CTNND1: variants seen among roughly 807,000 people sequenced by gnomAD.
CTNND1 encodes catenin delta 1, also known as catenin delta-1.
Under a neutral mutation model 112.1 loss-of-function variants are expected in CTNND1, and 16 were observed. The observed-to-expected ratio is 0.14, with a 90% CI of 0.10 to 0.22. CTNND1 has a LOEUF of 0.22. CTNND1 is among the 10% of genes least tolerant of loss of function. The pLI is 1.00. For missense variants in CTNND1, 1,008 were observed against 1,257.0 expected, an observed-to-expected ratio of 0.80 and a Z score of 3.00; for synonymous variants, 420 against 446.5, an observed-to-expected ratio of 0.94 and a Z score of 0.75.
chr11:57,771,624 TG>T (rs1274391715), intron 1 of CTNND1, among the ~76,000 whole-genome samples: 1 of 152,168 alleles, frequency 6.6e-6, no homozygotes, highest in African/African-American at 2.4e-5. Context: ...GAATGTATTT[TG>T]GGGGAAGGGG....
intron 9 of CTNND1, 105 bp from the exon 10 acceptor site, chr11:57,805,777 G>A (rs1308486310): frequency 1.6e-6 from 2 of 1,276,954 alleles, no homozygotes; most frequent in African/African-American, 3.0e-5. Context: ...ATTGGGTTAT[G>A]CATTTGAAGA....
At chr11:57,772,774 C>T (rs568018764) in intron 1 of CTNND1, among the ~76,000 whole-genome samples, 1 of 152,288 alleles carries the variant, frequency 6.6e-6, no homozygotes, top group South Asian at 2.1e-4. Context: ...GTCTGTCCCT[C>T]AGTGAGAGTC....
chr11:57,767,886 T>G (rs1303954292), intron 1 of CTNND1, among the ~76,000 whole-genome samples: 5 of 148,714 alleles, frequency 3.4e-5, no homozygotes, highest in African/African-American at 9.9e-5. Context: ...CAGGCTAGAG[T>G]GTAGTAGTGC....
At chr11:57,770,609 C>T (rs574355726) in intron 1 of CTNND1, among the ~76,000 whole-genome samples, 3 of 151,368 alleles carry the variant, frequency 2.0e-5, no homozygotes, top group African/African-American at 7.3e-5. Context: ...GCCGAAATCG[C>T]GCCACTGCAC....
At chr11:57,803,353 G>T (rs2062248720) in intron 7 of CTNND1, among the ~76,000 whole-genome samples, 1 of 152,206 alleles carries the variant, frequency 6.6e-6, no homozygotes, top group Non-Finnish European at 1.5e-5. Flanking sequence ...CTCCCAAATT[G>T]CTGGGATTAC....
chr11:57,783,258 C>T (rs1296819372), intron 1 of CTNND1, among the ~76,000 whole-genome samples: 1 of 151,400 alleles, frequency 6.6e-6, no homozygotes, highest in Non-Finnish European at 1.5e-5. Context: ...TGCATCTGGG[C>T]GACAGAGCAA....
intron 15 of CTNND1, 23 bp downstream of exon 15, chr11:57,809,489 C>T (rs2063076977): frequency 1.9e-6 from 3 of 1,584,354 alleles, no homozygotes; most frequent in African/African-American, 1.3e-5. Context: ...CCTAAAATTA[C>T]AGTCAAAAGA....
At chr11:57,812,627 G>A (rs2063500955) in intron 17 of CTNND1, among the ~76,000 whole-genome samples, 1 of 152,148 alleles carries the variant, frequency 6.6e-6, no homozygotes, top group Admixed American at 6.5e-5. Flanking sequence ...GTTGTCTTAA[G>A]GAAATGTACT....
chr11:57,795,158 C>T lies in CTNND1; in HGVS notation c.268-419C>T, dbSNP rs529915740. Among the ~76,000 whole-genome samples, 10 of 152,314 alleles carry T rather than the reference C, an allele frequency of 6.6e-5. 2 individuals are homozygous for T. In the East Asian group the frequency reaches 1.7e-3, roughly 26 times the overall value. On this transcript the variant is annotated intron_variant, in intron 4 of 20. Transcript: ENST00000399050. Reference sequence around the variant, plus strand: ...CCAGTGAGCTATGATCATGCCACTGCACTCTAGCTTGGGTGATAGAGTGAG... The same window carrying T: ...CCAGTGAGCTATGATCATGCCACTGTACTCTAGCTTGGGTGATAGAGTGAG...
At chr11:57,790,009 C>T (rs1365638325) in intron 2 of CTNND1, among the ~76,000 whole-genome samples, 1 of 152,074 alleles carries the variant, frequency 6.6e-6, no homozygotes, top group African/African-American at 2.4e-5. Context: ...TCAAGGAACA[C>T]GTTTTGCCAT....
rs1236585108 is a variant in CTNND1 at position 57,802,095 on chromosome 11, A to G, written c.1319A>G (p.Asp440Gly). Residue 440 changes from aspartate to glycine, a missense_variant, in exon 7 of 21, where the codon GAC becomes GGC. Around this residue, in one of 5 missense-constraint regions of CTNND1, gnomAD observed 216 missense variants for 342.8 expected, o/e 0.63. Transcript: ENST00000399050. ...GALKNISFGR[D>G]QDNKIAIKNC... Reference sequence around the variant, plus strand: ...CTCAAGAATATCTCTTTTGGACGTGACCAGGATAACAAGATTGCCATAAAA... The same window carrying G: ...CTCAAGAATATCTCTTTTGGACGTGGCCAGGATAACAAGATTGCCATAAAA... 1.9e-6 allele frequency: 3 copies of G among 1,613,916 alleles called. No homozygotes were observed. The highest frequency in any genetic ancestry group is 2.5e-6 in the Non-Finnish European group (3 of 1,179,914).
chr11:57,762,018 G>C lies in CTNND1; in HGVS notation c.-315G>C. 1.0e-6 allele frequency: 1 copy of C among 985,430 alleles called. No individual in the cohort carries two copies. Among genetic ancestry groups the C allele is most frequent in the Non-Finnish European group, 1.2e-6 (1 of 829,932 alleles). 61.0% of individuals were successfully genotyped at this position (985,430 alleles called of 1,614,324 possible). ...CGAAGCCTTGGGTTTCTTTCTTAAA[G>C]GACTGATTTTTAGAACTCCACATTT... On this transcript the variant is annotated 5_prime_UTR_variant, in exon 1 of 21. Transcript: ENST00000399050.
At chr11:57,768,384 TCC>T (rs1455849544) in intron 1 of CTNND1, among the ~76,000 whole-genome samples, 3 of 126,322 alleles carry the variant, frequency 2.4e-5, no homozygotes, top group Non-Finnish European at 3.2e-5. Flanking sequence ...GTGGACATCA[TCC>T]TTTTTTTTTT....
chr11:57,795,864 C>A, intron 5 of CTNND1, 135 bp downstream of exon 5: 2 of 980,756 alleles, frequency 2.0e-6, no homozygotes, highest in Non-Finnish European at 2.9e-6. Context: ...TGATCTCTGG[C>A]CAGATAGAAA....
At chr11:57,815,880 C>T in intron 19 of CTNND1, 35 bp from the exon 20 acceptor site, 1 of 1,563,286 alleles carries the variant, frequency 6.4e-7, no homozygotes, top group Non-Finnish European at 8.7e-7. Flanking sequence ...AGGTTCCTGT[C>T]TCTACTCATA....
Position 57,796,560 on chromosome 11 carries a change from T to C in CTNND1, c.524T>C (p.Ile175Thr). Reference protein sequence around the residue: ...VDASSVSNNYIQTLGRDFRKN... With the variant: ...VDASSVSNNYTQTLGRDFRKN... ...GCTTCATCAGTTTCTAACAACTATA[T>C]CCAGACTTTGGGTCGTGATTTCCGC... Residue 175 changes from isoleucine to threonine, a missense_variant, in exon 6 of 21, where the codon ATC (isoleucine) becomes ACC (threonine). Ile to Thr is a moderately conservative substitution (Grantham distance 89, BLOSUM62 -1). Around this residue, in one of 5 missense-constraint regions of CTNND1, gnomAD observed 404 missense variants for 457.9 expected, o/e 0.88. Coordinates refer to ENST00000399050, the MANE Select transcript of CTNND1 (RefSeq NM_001085458.2). The C allele has an allele frequency of 6.2e-7, 1 of 1,613,980 alleles. No individual in the cohort carries two copies.
intron 1 of CTNND1, among the ~76,000 whole-genome samples, chr11:57,779,519 C>G (rs148387156): frequency 6.6e-6 from 1 of 152,166 alleles, no homozygotes; most frequent in Non-Finnish European, 1.5e-5. Context: ...CACACAAACC[C>G]GCCTTTGATT....
chr11:57,796,732 C>T lies in CTNND1; in HGVS notation c.696C>T (p.Ser232=). The T allele has an allele frequency of 6.2e-7, 1 of 1,613,890 alleles. No homozygotes were observed. The change falls in exon 6 of 21, where the codon TCC becomes TCT. Residue 232 remains serine, a synonymous_variant. Transcript: ENST00000399050. ...GCAGTGATAACTATGGCAGTCTGTC[C>T]CGGGTGACCCGCATTGAGGAGCGGT... ...PGGSDNYGSL[S]RVTRIEERYR... is the part of the protein sequence containing the mutation.
rs572017307 is a variant in CTNND1 at position 57,809,847 on chromosome 11, C to T, written c.2436-262C>T. On this transcript the variant is annotated intron_variant, in intron 15 of 20. Transcript: ENST00000399050. ...GGCTCAGCCTCCTGAGTAGCTGGGA[C>T]TACAGGTGCGTGCCACCATGCCCAG... Among the ~76,000 whole-genome samples the T allele has an allele frequency of 4.6e-5, 7 of 152,156 alleles. No homozygotes were observed. The South Asian group carries it at 1.2e-3, about 27-fold the overall frequency.
Sources: allele counts gnomAD v4.1 joint callset (sites outside exome capture counted in the v4.1 genomes callset), GRCh38; gene constraint gnomAD v4.1.1; regional missense constraint gnomAD v4.1.1; transcripts MANE v1.5; gene names NCBI Gene and HGNC (gene_info 2026-07-23, HGNC 2026-07-21).